Variants in AGBL4 observed in about 807,000 individuals in gnomAD.
AGBL4 encodes the protein AGBL carboxypeptidase 4.
In AGBL4, 58 loss-of-function variants were observed where a neutral mutation model predicts 66.4. That is an observed-to-expected ratio of 0.87 (90% CI 0.71 to 1.09). The LOEUF is 1.09. Ranked by LOEUF, AGBL4 falls within the 50% of genes least tolerant of loss-of-function variation. The pLI is 0.00. For missense variants in AGBL4, 579 were observed against 631.0 expected, an observed-to-expected ratio of 0.92 and a Z score of 0.88; for synonymous variants, 234 against 222.9, an observed-to-expected ratio of 1.05 and a Z score of -0.44.
intron 1 of AGBL4, among the ~76,000 whole-genome samples, chr1:49,966,034 C>T (rs1409129403): frequency 1.1e-4 from 17 of 151,360 alleles, no homozygotes; most frequent in Non-Finnish European, 2.1e-4. Flanking sequence ...CTCTGCCTTC[C>T]GGGTTCACGC....
chr1:48,985,221 G>A (rs1201211067), intron 5 of AGBL4, among the ~76,000 whole-genome samples: 1 of 152,108 alleles, frequency 6.6e-6, no homozygotes, highest in Non-Finnish European at 1.5e-5. Flanking sequence ...ATAGGCCAGG[G>A]CACAGGGAGG....
chr1:49,560,839 C>T (rs1393145873), intron 3 of AGBL4, among the ~76,000 whole-genome samples: 1 of 151,954 alleles, frequency 6.6e-6, no homozygotes, highest in Non-Finnish European at 1.5e-5. Flanking sequence ...AATCTTTTAC[C>T]CCTGAATAGT....
At chr1:49,934,405 T>C (rs929725069) in intron 1 of AGBL4, among the ~76,000 whole-genome samples, 4 of 151,324 alleles carry the variant, frequency 2.6e-5, no homozygotes, top group African/African-American at 9.7e-5. Context: ...ACAAAAAGAG[T>C]CTTGATAAAT....
chr1:49,714,787 TACTC>T (rs1298498004), intron 2 of AGBL4, among the ~76,000 whole-genome samples: 5 of 151,934 alleles, frequency 3.3e-5, no homozygotes, highest in South Asian at 2.1e-4. Context: ...TTTGGGTAGA[TACTC>T]AGGAATGGGA....
chr1:49,221,137 G>A (rs1207477498), intron 4 of AGBL4, among the ~76,000 whole-genome samples: 1 of 152,102 alleles, frequency 6.6e-6, no homozygotes, highest in Non-Finnish European at 1.5e-5. Flanking sequence ...AGTGCATTTA[G>A]TTTTAACGGG....
intron 6 of AGBL4, chr1:48,776,529 C>A: frequency 4.7e-6 from 5 of 1,070,468 alleles, no homozygotes; most frequent in South Asian, 1.9e-5. Flanking sequence ...CCGGTCCCCT[C>A]CGCCCGGGCC....
At chr1:49,244,296 T>C (rs1402967627) in intron 4 of AGBL4, among the ~76,000 whole-genome samples, 2 of 151,810 alleles carry the variant, frequency 1.3e-5, no homozygotes, top group African/African-American at 2.4e-5. Context: ...TCTATATATA[T>C]GCCTATTAAC....
chr1:48,639,197 T>G (rs1043017483), intron 8 of AGBL4, among the ~76,000 whole-genome samples: 14 of 152,232 alleles, frequency 9.2e-5, no homozygotes, highest in African/African-American at 3.4e-4. Context: ...AGTCTAGAGC[T>G]TTTTAGAAGC....
chr1:48,527,077 A>G, the AGBL4 span, among the ~76,000 whole-genome samples: 1 of 152,168 alleles, frequency 6.6e-6, no homozygotes, highest in Non-Finnish European at 1.5e-5. Flanking sequence ...GGCTTTGGGA[A>G]GATAAAGCCA....
chr1:49,627,956 T>A (rs907708580), intron 3 of AGBL4, among the ~76,000 whole-genome samples: 1 of 152,152 alleles, frequency 6.6e-6, no homozygotes, highest in African/African-American at 2.4e-5. Context: ...TTTAACTCAA[T>A]CCCAGATATC....
At chr1:49,943,270 G>C (rs1654927694) in intron 1 of AGBL4, among the ~76,000 whole-genome samples, 1 of 152,180 alleles carries the variant, frequency 6.6e-6, no homozygotes, top group South Asian at 2.1e-4. Context: ...GATCATGGCA[G>C]ATGGGAGGCA....
intron 3 of AGBL4, among the ~76,000 whole-genome samples, chr1:49,567,457 CT>C (rs1162789939): frequency 2.6e-5 from 4 of 151,978 alleles, no homozygotes; most frequent in Admixed American, 6.6e-5. Context: ...CTATTTTTTG[CT>C]TTTTATATGA....
intron 3 of AGBL4, among the ~76,000 whole-genome samples, chr1:49,645,799 A>C (rs1645875571): frequency 2.0e-5 from 3 of 151,410 alleles, no homozygotes; most frequent in Admixed American, 6.6e-5. Context: ...TTATCAAATC[A>C]AATCCAATAA....
At chr1:49,553,294 C>T (rs750031280) in intron 3 of AGBL4, among the ~76,000 whole-genome samples, 6 of 152,124 alleles carry the variant, frequency 3.9e-5, no homozygotes, top group Non-Finnish European at 8.8e-5. Context: ...CTCTCTATTC[C>T]TATAATGAGA....
intron 2 of AGBL4, among the ~76,000 whole-genome samples, chr1:49,736,234 C>T (rs1649880918): frequency 6.6e-6 from 1 of 151,910 alleles, no homozygotes. Context: ...ACATTATAAT[C>T]AAACACTTGA....
chr1:48,670,494 A>T (rs1646260045), intron 6 of AGBL4, among the ~76,000 whole-genome samples: 1 of 152,236 alleles, frequency 6.6e-6, no homozygotes, highest in Admixed American at 6.5e-5. Context: ...AAAAGTGATG[A>T]GATACAGATC....
intron 3 of AGBL4, among the ~76,000 whole-genome samples, chr1:49,397,575 A>C (rs934047579): frequency 6.6e-6 from 1 of 152,228 alleles, no homozygotes; most frequent in Admixed American, 6.5e-5. Context: ...GTAATCCAGA[A>C]TTGAATCAGA....
chr1:49,607,483 T>A (rs768958799), intron 3 of AGBL4, among the ~76,000 whole-genome samples: 6 of 152,164 alleles, frequency 3.9e-5, no homozygotes, highest in Non-Finnish European at 5.9e-5. Context: ...ATTCTCTTTA[T>A]CTGGAGTTTT....
intron 4 of AGBL4, among the ~76,000 whole-genome samples, chr1:49,084,873 T>C (rs546237574): frequency 6.6e-6 from 1 of 152,300 alleles, no homozygotes; most frequent in East Asian, 1.9e-4. Flanking sequence ...AGCAATTAAG[T>C]GATGGGTCTG....
Sources: gnomAD v4.1 joint callset for allele counts (sites outside exome capture counted in the v4.1 genomes callset) on GRCh38, gnomAD v4.1.1 for gene constraint, MANE v1.5 for transcripts, NCBI Gene and HGNC (gene_info 2026-07-23, HGNC 2026-07-21) for gene names.